Variants in MYO3B observed in about 807,000 individuals in gnomAD.
The protein encoded by MYO3B is myosin IIIB, also known as myosin-IIIb.
In MYO3B, 156 loss-of-function variants were observed where a neutral mutation model predicts 174.6. The observed-to-expected ratio is 0.89, with a 90% CI of 0.78 to 1.02. The LOEUF is 1.02. MYO3B is among the 50% of genes least tolerant of loss of function. The pLI is 0.00. For synonymous variants in MYO3B, 563 were observed against 569.1 expected (o/e 0.99, Z 0.15); for missense variants, 1,632 against 1,639.4 (o/e 1.00, Z 0.08).
At chr2:170,517,478 A>G (rs1010738569) in intron 29 of MYO3B, among the ~76,000 whole-genome samples, 2 of 151,694 alleles carry the variant, frequency 1.3e-5, no homozygotes, top group African/African-American at 2.4e-5. Context: ...TCTTTGTGCT[A>G]TTTTCTTCTT....
intron 32 of MYO3B, among the ~76,000 whole-genome samples, chr2:170,572,257 G>A (rs924195110): frequency 9.9e-5 from 15 of 151,898 alleles, no homozygotes; most frequent in African/African-American, 2.7e-4. Flanking sequence ...GTGAAACCCC[G>A]TCTCTACTAA....
At chr2:170,413,779 C>G (rs2094560670) in intron 22 of MYO3B, among the ~76,000 whole-genome samples, 1 of 152,090 alleles carries the variant, frequency 6.6e-6, no homozygotes, top group Non-Finnish European at 1.5e-5. Context: ...GTGGCTCATG[C>G]CTGTAATCCC....
At chr2:170,224,687 A>T (rs112987922) in intron 6 of MYO3B, among the ~76,000 whole-genome samples, 1,845 of 152,182 alleles carry the variant, frequency 0.012, 15 homozygotes, top group South Asian at 0.022. Flanking sequence ...TGGAAAACAG[A>T]CTTGTGGATA....
At chr2:170,402,467 A>G (rs2094483677) in intron 18 of MYO3B, among the ~76,000 whole-genome samples, 1 of 152,118 alleles carries the variant, frequency 6.6e-6, no homozygotes, top group African/African-American at 2.4e-5. Flanking sequence ...ATTGTGGAGG[A>G]ATTCACCACA....
rs376780877 is a variant in MYO3B, at chr2:170,220,446, C to T, written c.603+3051C>T. On this transcript the variant is annotated intron_variant, in intron 6 of 34. Transcript: ENST00000408978. The stretch of plus-strand genomic sequence containing the variant: ...GAGATCGAGACCATCCTGGCTAACA[C>T]GGTGAAACCCCATCTCTACTAAAAA... Among the ~76,000 whole-genome samples the T allele has an allele frequency of 2.6e-5, 4 of 151,484 alleles. No individual in the cohort carries two copies. In the East Asian group the frequency reaches 7.8e-4, roughly 30 times the overall value.
Position 170,649,477 on chromosome 2 carries a change from C to T in MYO3B, c.3734-2151C>T, listed in dbSNP as rs190911682. On this transcript the variant is annotated intron_variant, in intron 32 of 34. Transcript: ENST00000408978. ...AATATATAATACATATTTTTTTCAT[C>T]GAACTTACTTTTACTTAAACCTTTG... 1.6e-3 allele frequency among the ~76,000 whole-genome samples: 214 copies of T among 129,950 alleles called. 1 individual carries two copies. The highest frequency in any genetic ancestry group is 5.9e-3 in the African/African-American group (203 of 34,590). The allele number at this position is 129,950 out of a possible 152,430, so 85.3% of individuals were successfully genotyped here. A position where few individuals can be genotyped will look rare whatever the true frequency, so the allele number is the denominator to read the frequency against.
At chr2:170,276,519 C>A (rs554481701) in intron 7 of MYO3B, among the ~76,000 whole-genome samples, 1 of 152,260 alleles carries the variant, frequency 6.6e-6, no homozygotes, top group Non-Finnish European at 1.5e-5. Context: ...GTCCTGCCAT[C>A]TTAATTGTAC....
chr2:170,398,433 GA>G (rs1370215169), intron 16 of MYO3B, among the ~76,000 whole-genome samples: 1 of 152,022 alleles, frequency 6.6e-6, no homozygotes, highest in African/African-American at 2.4e-5. Flanking sequence ...ATATTCACAT[GA>G]TTGGTTAATC....
intron 32 of MYO3B, among the ~76,000 whole-genome samples, chr2:170,645,968 T>C (rs1698336074): frequency 6.6e-6 from 1 of 152,208 alleles, no homozygotes; most frequent in Non-Finnish European, 1.5e-5. Context: ...TTCTAGCTTT[T>C]TTACTGCTAT....
At position 170,555,492 on chromosome 2, in the gene MYO3B, C is replaced by T. The variant is rs564241498; in HGVS notation, c.3733+11504C>T. ...ATTTACTTATTGATTTTAGTGCCTC[C>T]ATAGCTTTGCCTTTTTCAGAATGTC... On this transcript the variant is annotated intron_variant, in intron 32 of 34. Coordinates refer to ENST00000408978, the MANE Select transcript of MYO3B (RefSeq NM_138995.5). Among the ~76,000 whole-genome samples the T allele has an allele frequency of 2.4e-3, 372 of 152,200 alleles. 2 individuals carry two copies. The highest frequency in any genetic ancestry group is 6.8e-3 in the Middle Eastern group (2 of 294).
At chr2:170,193,455 A>T (rs2092564107) in intron 1 of MYO3B, among the ~76,000 whole-genome samples, 1 of 151,836 alleles carries the variant, frequency 6.6e-6, no homozygotes, top group Non-Finnish European at 1.5e-5. Context: ...TTTGTTTTAG[A>T]TGTGGATATC....
At chr2:170,179,530 G>A (rs1451611231) in intron 1 of MYO3B, among the ~76,000 whole-genome samples, 1 of 152,154 alleles carries the variant, frequency 6.6e-6, no homozygotes, top group African/African-American at 2.4e-5. Context: ...CTGTTATTGT[G>A]GGAGACGGCT....
At chr2:170,323,053 G>GA (rs960845198) in intron 7 of MYO3B, among the ~76,000 whole-genome samples, 10 of 150,576 alleles carry the variant, frequency 6.6e-5, no homozygotes, top group Admixed American at 1.3e-4. Flanking sequence ...CTTTGTTGAG[G>GA]AAAAAAAAAT....
chr2:170,230,726 T>A (rs2093006623), intron 6 of MYO3B, among the ~76,000 whole-genome samples: 4 of 152,202 alleles, frequency 2.6e-5, no homozygotes, highest in Non-Finnish European at 4.4e-5. Context: ...AGTAAGTAGA[T>A]AAAATAATTA....
chr2:170,301,235 T>C (rs769072248), intron 7 of MYO3B, among the ~76,000 whole-genome samples: 10 of 152,238 alleles, frequency 6.6e-5, no homozygotes, highest in Non-Finnish European at 1.3e-4. Flanking sequence ...TTTATTTTGG[T>C]GATCGAAATC....
At chr2:170,256,696 G>T (rs957694700) in intron 7 of MYO3B, among the ~76,000 whole-genome samples, 36 of 152,038 alleles carry the variant, frequency 2.4e-4, no homozygotes, top group African/African-American at 8.0e-4. Flanking sequence ...AACCATATTG[G>T]CTGGTTGTTA....
intron 7 of MYO3B, among the ~76,000 whole-genome samples, chr2:170,241,928 T>C (rs1262025968): frequency 6.6e-6 from 1 of 152,180 alleles, no homozygotes; most frequent in African/African-American, 2.4e-5. Flanking sequence ...CGCTGTGAGA[T>C]GCAGAGGCAG....
At chr2:170,235,893 A>G in intron 6 of MYO3B, 98 bp from the exon 7 acceptor site, 1 of 1,490,528 alleles carries the variant, frequency 6.7e-7, no homozygotes, top group Non-Finnish European at 9.2e-7. Flanking sequence ...ATCGTGGCCA[A>G]GAAAACTGAG....
intron 25 of MYO3B, among the ~76,000 whole-genome samples, chr2:170,489,081 G>C (rs1220838357): frequency 6.6e-6 from 1 of 152,198 alleles, no homozygotes; most frequent in South Asian, 2.1e-4. Context: ...GGTGCACACA[G>C]GAAGAGCTAG....
Sources: gnomAD v4.1 joint callset for allele counts (sites outside exome capture counted in the v4.1 genomes callset) on GRCh38, gnomAD v4.1.1 for gene constraint, MANE v1.5 for transcripts, NCBI Gene and HGNC (gene_info 2026-07-23, HGNC 2026-07-21) for gene names.